Variants in TACC2 observed in about 807,000 individuals in gnomAD.
The protein encoded by TACC2 is transforming acidic coiled-coil-containing protein 2.
In TACC2, 137 loss-of-function variants were observed where a neutral mutation model predicts 227.3. The ratio of observed to expected loss-of-function variants is 0.60; its 90% confidence interval spans 0.52 to 0.69. TACC2 has a LOEUF of 0.69. TACC2 is among the 30% of genes least tolerant of loss of function. TACC2 has a pLI of 0.00. For synonymous variants in TACC2, 1,523 were observed against 1,487.5 expected (o/e 1.02, Z -0.55); for missense variants, 3,470 against 3,694.4 (o/e 0.94, Z 1.57).
intron 1 of TACC2, among the ~76,000 whole-genome samples, chr10:121,998,907 C>T (rs917686485): frequency 3.9e-5 from 6 of 152,176 alleles, no homozygotes; most frequent in Admixed American, 3.9e-4. Context: ...TTAAGCAAGA[C>T]TTCAGCCTGA....
At chr10:122,002,166 A>G (rs1459882907) in intron 1 of TACC2, among the ~76,000 whole-genome samples, 1 of 152,166 alleles carries the variant, frequency 6.6e-6, no homozygotes, top group African/African-American at 2.4e-5. Context: ...TAAAGGGACC[A>G]TTTCTCTCAA....
chr10:122,233,817 C>T (rs935150259), intron 16 of TACC2, among the ~76,000 whole-genome samples: 3 of 152,138 alleles, frequency 2.0e-5, no homozygotes, highest in Admixed American at 6.5e-5. Flanking sequence ...TGGCTGTTGC[C>T]AGTGGTGCCA....
chr10:122,029,691 T>C (rs539042961), intron 2 of TACC2, among the ~76,000 whole-genome samples: 2 of 152,326 alleles, frequency 1.3e-5, no homozygotes, highest in South Asian at 4.1e-4. Context: ...CTTAAAGGAA[T>C]GTTCTGTCTT....
intron 11 of TACC2, among the ~76,000 whole-genome samples, chr10:122,224,058 C>T (rs891465500): frequency 4.6e-5 from 7 of 152,092 alleles, no homozygotes; most frequent in African/African-American, 1.4e-4. Context: ...TGGTGTTTGC[C>T]GTCTCCATTG....
intron 5 of TACC2, among the ~76,000 whole-genome samples, chr10:122,123,942 T>G (rs1451899270): frequency 6.6e-6 from 1 of 150,848 alleles, no homozygotes; most frequent in Non-Finnish European, 1.5e-5. Context: ...GCCTCCAGAG[T>G]AGCTGGGATT....
At chr10:122,081,384 T>C (rs1368420642) in intron 3 of TACC2, among the ~76,000 whole-genome samples, 2 of 146,806 alleles carry the variant, frequency 1.4e-5, no homozygotes, top group African/African-American at 2.5e-5. Flanking sequence ...AAAAATTAGC[T>C]GGGCGTGGTG....
intron 11 of TACC2, among the ~76,000 whole-genome samples, chr10:122,219,466 C>G (rs961075426): frequency 6.6e-6 from 1 of 152,226 alleles, no homozygotes; most frequent in East Asian, 1.9e-4. Flanking sequence ...GCACCCTCAA[C>G]GTCGTAGGGG....
chr10:122,095,948 C>A (rs1029750049), intron 5 of TACC2, among the ~76,000 whole-genome samples: 2 of 152,198 alleles, frequency 1.3e-5, no homozygotes, highest in African/African-American at 4.8e-5. Flanking sequence ...CAGGACAACC[C>A]AACTGGAAGC....
In TACC2 at chr10:122,150,765, T is replaced by C. The variant is rs1204706563; in HGVS notation, c.5834+7059T>C. On this transcript the variant is annotated intron_variant, in intron 7 of 22. Coordinates refer to ENST00000369005, the MANE Select transcript of TACC2 (RefSeq NM_206862.4). The surrounding 1 kb of genome is among the most constrained non-coding windows in gnomAD (Gnocchi z 4.0). ...ATACTTCGCTGTCAGGAGAAGGACC[T>C]GCTGAGCGCTGGAGTCTAGGTGGAG... 6.6e-6 allele frequency among the ~76,000 whole-genome samples: 1 copy of C among 152,248 alleles called. No individual in the cohort carries two copies. Among genetic ancestry groups the C allele is most frequent in the Non-Finnish European group, 1.5e-5 (1 of 68,046 alleles).
chr10:122,126,421 C>T (rs1263633774), intron 5 of TACC2, among the ~76,000 whole-genome samples: 1 of 151,166 alleles, frequency 6.6e-6, no homozygotes, highest in African/African-American at 2.4e-5. Flanking sequence ...TGACGCGACT[C>T]CCCCAGCTGG....
At position 122,132,715 on chromosome 10, in the gene TACC2, A is replaced by C; in HGVS notation, c.5680A>C (p.Thr1894Pro). The C allele has an allele frequency of 2.5e-6, 4 of 1,614,052 alleles. No homozygotes were observed. Among genetic ancestry groups the C allele is most frequent in the East Asian group, 2.2e-5 (1 of 44,860 alleles). The change falls in exon 6 of 23, where the codon ACG becomes CCG. Residue 1894 changes from threonine (T) to proline (P), a missense_variant. By Grantham distance (38) the Thr-to-Pro change is conservative (BLOSUM62 -1). Coordinates refer to ENST00000369005, the MANE Select transcript of TACC2 (RefSeq NM_206862.4). ...YHGDVVGQVSTDLIAQSISPA... is the reference protein window; with the variant it reads ...YHGDVVGQVSPDLIAQSISPA... ...CGGTGATGTTGTTGGCCAGGTCTCT[A>C]CGGATCTGATAGCCCAGAGGTACGG... is the stretch of plus-strand genomic sequence containing the variant.
chr10:122,078,674 G>A (rs2079112766), intron 3 of TACC2, among the ~76,000 whole-genome samples: 1 of 152,214 alleles, frequency 6.6e-6, no homozygotes, highest in Admixed American at 6.5e-5. Context: ...AAGCATAAAA[G>A]GATATTATGT....
chr10:122,010,943 C>T (rs1955842021), intron 1 of TACC2, among the ~76,000 whole-genome samples: 1 of 152,162 alleles, frequency 6.6e-6, no homozygotes, highest in Admixed American at 6.6e-5. Context: ...TGAGATCCCT[C>T]ATGTGTCGGT....
rs1212493882 is a variant in TACC2 at position 122,022,009 on chromosome 10, A to G, written c.28A>G (p.Asn10Asp). 14 of 1,614,176 alleles carry G rather than the reference A, an allele frequency of 8.7e-6. No individual in the cohort carries two copies. Among genetic ancestry groups the G allele is most frequent in the Non-Finnish European group, 1.2e-5 (14 of 1,180,016 alleles). MGNENSTSD[N>D]QRTLSAQTPR... is the part of the protein sequence containing the mutation. Reference sequence around the variant, plus strand: ...GGGCAATGAGAACAGCACCTCGGACAACCAGGTGGGTGTCAGGAAGCTTCT... The same window carrying G: ...GGGCAATGAGAACAGCACCTCGGACGACCAGGTGGGTGTCAGGAAGCTTCT... Residue 10 changes from asparagine (N) to aspartate (D), a missense_variant, in exon 2 of 23, where the codon AAC becomes GAC. Coordinates refer to ENST00000369005, the MANE Select transcript of TACC2 (RefSeq NM_206862.4).
At chr10:122,106,194 G>A (rs1442567378) in intron 5 of TACC2, among the ~76,000 whole-genome samples, 1 of 151,148 alleles carries the variant, frequency 6.6e-6, no homozygotes, top group Admixed American at 6.6e-5. Context: ...TGCCATGTTC[G>A]CCAGGTTGGT....
At chr10:122,212,929 A>C (rs2141058955) in intron 9 of TACC2, among the ~76,000 whole-genome samples, 1 of 147,226 alleles carries the variant, frequency 6.8e-6, no homozygotes, top group African/African-American at 2.6e-5. Flanking sequence ...CTAGACTGCA[A>C]GGCCGTGCTC....
intron 2 of TACC2, among the ~76,000 whole-genome samples, chr10:122,040,970 C>T (rs981400943): frequency 2.0e-5 from 3 of 152,118 alleles, no homozygotes; most frequent in Non-Finnish European, 2.9e-5. Flanking sequence ...CCCCCCGGGT[C>T]GGGTCCCTGC....
At chr10:122,021,101 G>A (rs1211404814) in intron 1 of TACC2, among the ~76,000 whole-genome samples, 1 of 152,090 alleles carries the variant, frequency 6.6e-6, no homozygotes, top group African/African-American at 2.4e-5. Context: ...GTGGTGGCGG[G>A]CGTCTGTAAT....
intron 6 of TACC2, among the ~76,000 whole-genome samples, chr10:122,135,022 G>C (rs1378870433): frequency 6.6e-6 from 1 of 152,184 alleles, no homozygotes; most frequent in Admixed American, 6.5e-5. Flanking sequence ...GTTTCATCGA[G>C]TGTCTCCGTA....
Sources: allele counts gnomAD v4.1 joint callset (sites outside exome capture counted in the v4.1 genomes callset), GRCh38; gene constraint gnomAD v4.1.1; non-coding constraint Gnocchi (gnomAD v3.1); transcripts MANE v1.5; gene names NCBI Gene and HGNC (gene_info 2026-07-23, HGNC 2026-07-21).